KIAA2012: variants seen among roughly 807,000 people sequenced by gnomAD.
The protein encoded by KIAA2012 is KIAA2012.
A neutral mutation model predicts 150.6 loss-of-function variants in KIAA2012; 125 were observed. That is an observed-to-expected ratio of 0.83 (90% CI 0.72 to 0.96). KIAA2012 has a LOEUF of 0.96. Ranked by LOEUF, KIAA2012 falls within the 40% of genes least tolerant of loss-of-function variation. The pLI, the probability that KIAA2012 is intolerant of heterozygous loss-of-function variation, is 0.00. For synonymous variants in KIAA2012, 462 were observed against 504.7 expected (o/e 0.92, Z 1.13); for missense variants, 1,219 against 1,354.9 (o/e 0.90, Z 1.57).
intron 13 of KIAA2012, among the ~76,000 whole-genome samples, chr2:202,150,112 C>T (rs143551839): frequency 2.0e-5 from 3 of 152,342 alleles, no homozygotes; most frequent in East Asian, 1.9e-4. Context: ...TTTTCCATGG[C>T]TCACTCTGTC....
intron 2 of KIAA2012, among the ~76,000 whole-genome samples, chr2:202,077,792 G>A (rs1559195169): frequency 6.6e-6 from 1 of 152,064 alleles, no homozygotes; most frequent in Non-Finnish European, 1.5e-5. Flanking sequence ...GCAACATAAT[G>A]AGACCCTGTT....
chr2:202,173,310 C>T (rs1396101260), intron 15 of KIAA2012, among the ~76,000 whole-genome samples: 1 of 152,212 alleles, frequency 6.6e-6, no homozygotes, highest in Admixed American at 6.5e-5. Flanking sequence ...TCACTCACGC[C>T]GGTAATCCCA....
chr2:202,122,101 G>A (rs1484828363), intron 11 of KIAA2012, among the ~76,000 whole-genome samples: 1 of 152,246 alleles, frequency 6.6e-6, no homozygotes, highest in Non-Finnish European at 1.5e-5. Flanking sequence ...TGGGGGTGAG[G>A]AGGAGCTGGG....
chr2:202,099,865 T>C, intron 6 of KIAA2012, 69 bp downstream of exon 6: 1 of 1,306,278 alleles, frequency 7.7e-7, no homozygotes, highest in Non-Finnish European at 1.0e-6. Context: ...TTAAGGACAC[T>C]GAGGCATGCC....
At chr2:202,182,084 C>T (rs1342820680) in intron 15 of KIAA2012, among the ~76,000 whole-genome samples, 1 of 148,932 alleles carries the variant, frequency 6.7e-6, no homozygotes, top group Non-Finnish European at 1.5e-5. Flanking sequence ...GGAATCATGC[C>T]ATATGTACTT....
intron 15 of KIAA2012, among the ~76,000 whole-genome samples, chr2:202,183,369 G>A (rs192992842): frequency 2.7e-5 from 4 of 150,874 alleles, no homozygotes; most frequent in East Asian, 1.9e-4. Flanking sequence ...GCAGTGAGCC[G>A]GGATTGTGCC....
chr2:202,096,070 T>C (rs914886301), intron 4 of KIAA2012, among the ~76,000 whole-genome samples: 20 of 151,718 alleles, frequency 1.3e-4, no homozygotes, highest in Admixed American at 8.6e-4. Flanking sequence ...GGCAACAGAG[T>C]GAGACTACGT....
chr2:202,133,130 A>ATATATATTTTTTTTTTTTTTTTTT (rs1279080237), intron 12 of KIAA2012, among the ~76,000 whole-genome samples: 2 of 67,780 alleles, frequency 3.0e-5, no homozygotes, highest in Non-Finnish European at 5.8e-5. Context: ...ATATATATAT[A>ATATATATTTTTTTTTTTTTTTTTT]TTTTTTTTTT....
chr2:202,140,105 G>A (rs541951919), intron 13 of KIAA2012, among the ~76,000 whole-genome samples: 8 of 152,120 alleles, frequency 5.3e-5, no homozygotes, highest in South Asian at 4.2e-4. Context: ...GCGCACATCT[G>A]TAATCCCAGC....
chr2:202,180,899 A>G lies in KIAA2012; in HGVS notation c.2120-3854A>G, dbSNP rs187146105. Among the ~76,000 whole-genome samples the G allele has an allele frequency of 2.4e-4, 37 of 152,322 alleles. No homozygotes were observed. In the East Asian group the frequency reaches 6.0e-3, roughly 25 times the overall value. On this transcript the variant is annotated intron_variant, in intron 15 of 23. Transcript: ENST00000498697. ...TTTATGGTTATAAAAAATAGAAGCG[A>G]TATGAATTTTTAAAATTACATGTTT...
intron 12 of KIAA2012, among the ~76,000 whole-genome samples, chr2:202,126,907 G>A (rs1690804198): frequency 6.6e-6 from 1 of 152,144 alleles, no homozygotes. Context: ...AGTAGCATTG[G>A]TCTAAAGAGG....
chr2:202,129,597 C>A (rs1690877638), intron 12 of KIAA2012, among the ~76,000 whole-genome samples: 1 of 152,052 alleles, frequency 6.6e-6, no homozygotes, highest in Non-Finnish European at 1.5e-5. Context: ...TGATAGGATT[C>A]TGAAAGGATT....
intron 20 of KIAA2012, among the ~76,000 whole-genome samples, 179 bp from the exon 21 acceptor site, chr2:202,194,011 G>T (rs1053135391): frequency 6.6e-6 from 1 of 152,218 alleles, no homozygotes; most frequent in Non-Finnish European, 1.5e-5. Flanking sequence ...TTTCAAGCCC[G>T]CTGGGCTCTT....
At chr2:202,092,621 C>T (rs1176362468) in intron 3 of KIAA2012, among the ~76,000 whole-genome samples, 1 of 152,156 alleles carries the variant, frequency 6.6e-6, no homozygotes, top group Non-Finnish European at 1.5e-5. Flanking sequence ...ATTGGGAAGT[C>T]CTCAATAAAT....
chr2:202,184,257 A>C (rs1194004737), intron 15 of KIAA2012, among the ~76,000 whole-genome samples: 1 of 151,898 alleles, frequency 6.6e-6, no homozygotes, highest in Non-Finnish European at 1.5e-5. Context: ...GGTGGCACAC[A>C]CCTGCAGTTC....
intron 2 of KIAA2012, among the ~76,000 whole-genome samples, chr2:202,078,973 A>G (rs1480491379): frequency 6.6e-6 from 1 of 152,086 alleles, no homozygotes; most frequent in Admixed American, 6.6e-5. Context: ...AGGCAGGTAG[A>G]TCATCTGAGG....
intron 14 of KIAA2012, among the ~76,000 whole-genome samples, chr2:202,159,379 C>CAA (rs202173796): frequency 5.3e-4 from 61 of 115,544 alleles, no homozygotes; most frequent in Non-Finnish European, 5.9e-4. Flanking sequence ...GTTCTATTTC[C>CAA]AAAAAAAAAA....
intron 15 of KIAA2012, among the ~76,000 whole-genome samples, chr2:202,183,442 T>C (rs1427854199): frequency 1.4e-5 from 2 of 147,076 alleles, no homozygotes; most frequent in African/African-American, 5.0e-5. Context: ...AAGTTAACAT[T>C]TGTTTTTTGG....
At chr2:202,134,345 G>C (rs555360433) in intron 12 of KIAA2012, among the ~76,000 whole-genome samples, 1 of 149,586 alleles carries the variant, frequency 6.7e-6, no homozygotes, top group South Asian at 2.2e-4. Flanking sequence ...GTAACCACTG[G>C]ATATTTGGCC....
Sources: allele counts gnomAD v4.1 joint callset (sites outside exome capture counted in the v4.1 genomes callset), GRCh38; gene constraint gnomAD v4.1.1; transcripts MANE v1.5; gene names NCBI Gene and HGNC (gene_info 2026-07-23, HGNC 2026-07-21).